The following ATP6V1B2 variants were observed in gnomAD, a reference collection of about 807,000 sequenced individuals.
The protein encoded by ATP6V1B2 is ATPase H+ transporting V1 subunit B2.
A neutral mutation model predicts 66.7 loss-of-function variants in ATP6V1B2; 23 were observed. That is an observed-to-expected ratio of 0.34 (90% confidence interval 0.25 to 0.49). The LOEUF (loss-of-function observed/expected upper bound fraction) is 0.49. Ranked by LOEUF, ATP6V1B2 falls within the 20% of genes least tolerant of loss-of-function variation. ATP6V1B2 has a pLI of 0.99. For missense variants in ATP6V1B2, 478 were observed against 650.8 expected (o/e 0.73, Z 2.89); for synonymous variants, 278 against 236.7 (o/e 1.17, Z -1.60).
chr8:20,212,394 G>A lies in ATP6V1B2; in HGVS notation c.803+195G>A, dbSNP rs150071730. On this transcript the variant is annotated intron_variant, in intron 8 of 13. Transcript: ENST00000276390. ...ACTTAGGTTCTGAAGCTCATAAGAT[G>A]TGACAGCTGATACTTGTCTCATGGA... Among the ~76,000 whole-genome samples the A allele has an allele frequency of 7.9e-5, 12 of 152,292 alleles. No individual in the cohort carries two copies. In the East Asian group the frequency reaches 1.9e-3, roughly 24 times the overall value.
chr8:20,210,084 ATATATATT>A (rs1178049206), intron 3 of ATP6V1B2, among the ~76,000 whole-genome samples: 11 of 147,644 alleles, frequency 7.5e-5, no homozygotes, highest in Non-Finnish European at 1.2e-4. Flanking sequence ...ATATAAACAT[ATATATATT>A]TATATATTTA....
intron 7 of ATP6V1B2, 148 bp downstream of exon 7, chr8:20,211,901 G>A (rs1279023913): frequency 3.6e-6 from 3 of 829,098 alleles, no homozygotes; most frequent in Non-Finnish European, 5.5e-6. Flanking sequence ...ACTAAAATTT[G>A]GCATTTGACT....
At position 20,214,950 on chromosome 8, in the gene ATP6V1B2, C is replaced by G. The variant is rs766359858; in HGVS notation, c.1060C>G (p.Leu354Val). 6.2e-7 allele frequency: 1 copy of G among 1,613,212 alleles called. No homozygotes were observed. Among genetic ancestry groups the G allele is most frequent in the African/African-American group, 1.3e-5 (1 of 74,960 alleles). The change falls in exon 10 of 14, where the codon CTA (leucine) becomes GTA (valine). Residue 354 changes from leucine (L) to valine (V), a missense_variant. Physicochemically the swap from Leu to Val is conservative, Grantham distance 32. Coordinates refer to ENST00000276390, the MANE Select transcript of ATP6V1B2 (RefSeq NM_001693.4). ...RNGSITQIPI[L>V]TMPNDDITHP... Reference sequence around the variant, plus strand: ...CGGCTCGATTACTCAAATCCCTATTCTAACCATGCCTAATGATGGTAAGTT... The same window carrying G: ...CGGCTCGATTACTCAAATCCCTATTGTAACCATGCCTAATGATGGTAAGTT...
chr8:20,203,736 G>A (rs1467991784), intron 1 of ATP6V1B2, among the ~76,000 whole-genome samples: 1 of 152,184 alleles, frequency 6.6e-6, no homozygotes, highest in Non-Finnish European at 1.5e-5. Flanking sequence ...AGGGCTTTGG[G>A]TAGGACCTGC....
chr8:20,213,113 G>A (rs1003405958), intron 9 of ATP6V1B2: 12 of 551,454 alleles, frequency 2.2e-5, no homozygotes, highest in Non-Finnish European at 3.7e-5. Flanking sequence ...TGGTTAGCCT[G>A]TTTATCATAC....
At chr8:20,216,814 T>G (rs941756840) in intron 11 of ATP6V1B2, 2 of 268,460 alleles carry the variant, frequency 7.4e-6, no homozygotes, top group African/African-American at 4.4e-5. Flanking sequence ...GACTTTTCCA[T>G]GCCTCTCTAG....
Position 20,197,432 on chromosome 8 carries a change from T to G in ATP6V1B2, c.26T>G (p.Ile9Ser). MALRAMRGIVNGAAPELPV... is the reference protein window; with the variant it reads MALRAMRGSVNGAAPELPV... The stretch of plus-strand genomic sequence containing the variant: ...ATGGCGCTGCGGGCGATGCGGGGGA[T>G]TGTCAACGGGGCCGCACCCGAGCTA... Residue 9 changes from isoleucine (I) to serine (S), a missense_variant, in exon 1 of 14, where the codon ATT becomes AGT. This residue lies in a region of ATP6V1B2 where 152 missense variants were observed against 105.2 expected (regional missense o/e 1.44). Transcript: ENST00000276390. The G allele has an allele frequency of 6.5e-7, 1 of 1,546,082 alleles. No individual in the cohort carries two copies. Among genetic ancestry groups the G allele is most frequent in the Non-Finnish European group, 8.7e-7 (1 of 1,147,444 alleles).
At chr8:20,198,475 G>C in intron 1 of ATP6V1B2, among the ~76,000 whole-genome samples, 1 of 152,208 alleles carries the variant, frequency 6.6e-6, no homozygotes. Flanking sequence ...CAAAAGAAAT[G>C]GTTCTTGATT....
At chr8:20,206,670 A>C (rs1383909060) in intron 2 of ATP6V1B2, among the ~76,000 whole-genome samples, 1 of 152,096 alleles carries the variant, frequency 6.6e-6, no homozygotes, top group African/African-American at 2.4e-5. Context: ...TTCCTGACAC[A>C]TGGATGCATT....
intron 10 of ATP6V1B2, chr8:20,215,873 AT>A (rs1272818157): frequency 1.3e-5 from 2 of 152,300 alleles, no homozygotes; most frequent in African/African-American, 4.8e-5. Context: ...TGCGTTTTGC[AT>A]GGTGAAATGT....
chr8:20,201,857 C>T (rs1400901435), intron 1 of ATP6V1B2, among the ~76,000 whole-genome samples: 2 of 152,142 alleles, frequency 1.3e-5, no homozygotes, highest in African/African-American at 2.4e-5. Flanking sequence ...TGGTGAGAGC[C>T]TTCTTTCTGG....
At chr8:20,214,699 ATTT>A in intron 9 of ATP6V1B2, 116 bp from the exon 10 acceptor site, 1 of 1,159,618 alleles carries the variant, frequency 8.6e-7, no homozygotes, top group South Asian at 2.2e-5. Flanking sequence ...TAAGGACAGT[ATTT>A]AAAATGAACA....
Position 20,217,289 on chromosome 8 carries a change from A to T in ATP6V1B2, c.1231A>T (p.Thr411Ser). The change falls in exon 12 of 14, where the codon ACC becomes TCC. Residue 411 changes from threonine (T) to serine (S), a missense_variant. Thr to Ser is a moderately conservative substitution (Grantham distance 58). Transcript: ENST00000276390. ...LMKSAIGEGMTRKDHADVSNQ... is the reference protein window; with the variant it reads ...LMKSAIGEGMSRKDHADVSNQ... ...GAAGTCTGCTATTGGAGAAGGGATG[A>T]CCAGGAAGGATCATGCCGATGTATC... is the stretch of plus-strand genomic sequence containing the variant. The T allele has an allele frequency of 2.5e-6, 4 of 1,613,230 alleles. No homozygotes were observed. Among genetic ancestry groups the T allele is most frequent in the Non-Finnish European group, 3.4e-6 (4 of 1,179,312 alleles).
At chr8:20,205,230 T>C (rs903187578) in intron 2 of ATP6V1B2, among the ~76,000 whole-genome samples, 2 of 152,184 alleles carry the variant, frequency 1.3e-5, no homozygotes, top group African/African-American at 4.8e-5. Flanking sequence ...TGAAATAAAC[T>C]TTTGGACTCA....
Position 20,197,586 on chromosome 8 carries a change from C to G in ATP6V1B2, c.136+44C>G, listed in dbSNP as rs1434177873. The G allele has an allele frequency of 2.3e-6, 3 of 1,328,632 alleles. No individual in the cohort carries two copies. In the Admixed American group the frequency reaches 9.7e-5, roughly 43 times the overall value. 82.3% of individuals were successfully genotyped at this position (1,328,632 alleles called of 1,614,324 possible). A position where few individuals can be genotyped will look rare whatever the true frequency, so the allele number is the denominator to read the frequency against. On this transcript the variant is annotated intron_variant, in intron 1 of 13. Transcript: ENST00000276390. ...TACGTCTCCGGTCTTTGCTCCCTAGCCTAGCCCTTTGCTCCCAGTCACCTG... is the reference window on the plus strand; with the variant it reads ...TACGTCTCCGGTCTTTGCTCCCTAGGCTAGCCCTTTGCTCCCAGTCACCTG...
At chr8:20,206,072 T>G (rs929280686) in intron 2 of ATP6V1B2, among the ~76,000 whole-genome samples, 1 of 152,246 alleles carries the variant, frequency 6.6e-6, no homozygotes, top group African/African-American at 2.4e-5. Context: ...TTTTAACCTC[T>G]TAGTGAGTAT....
chr8:20,217,031 G>T, intron 11 of ATP6V1B2, 189 bp from the exon 12 acceptor site: 1 of 565,764 alleles, frequency 1.8e-6, no homozygotes, highest in Non-Finnish European at 3.2e-6. Flanking sequence ...CGAAAGAAAT[G>T]CTATGCTATA....
chr8:20,221,485 A>C lies in ATP6V1B2; in HGVS notation c.*1083A>C, dbSNP rs1408719625. On this transcript the variant is annotated 3_prime_UTR_variant, in exon 14 of 14. Transcript: ENST00000276390. The stretch of plus-strand genomic sequence containing the variant: ...GAGCGATCTTCTATGCAGTTCTGCC[A>C]TGCGTCCTGTTGGTCTCTCTGTGTT... The C allele has an allele frequency of 6.6e-6, 1 of 152,606 alleles. No homozygotes were observed. The highest frequency in any genetic ancestry group is 2.4e-5 in the African/African-American group (1 of 41,426). 9.5% of individuals were successfully genotyped at this position (152,606 alleles called of 1,614,324 possible).
chr8:20,205,325 C>T (rs953297730), intron 2 of ATP6V1B2, among the ~76,000 whole-genome samples: 1 of 152,078 alleles, frequency 6.6e-6, no homozygotes, highest in African/African-American at 2.4e-5. Context: ...GTGTTAAGTG[C>T]TGAGCCCAGT....
Sources: gnomAD v4.1 joint callset for allele counts (sites outside exome capture counted in the v4.1 genomes callset) on GRCh38, gnomAD v4.1.1 for gene constraint, gnomAD v4.1.1 regional missense constraint, MANE v1.5 for transcripts, NCBI Gene and HGNC (gene_info 2026-07-23, HGNC 2026-07-21) for gene names.